Variants in ANKRD44 observed in about 807,000 individuals in gnomAD.
ANKRD44 encodes the protein serine/threonine-protein phosphatase 6 regulatory ankyrin repeat subunit B.
ANKRD44 carries 35 observed loss-of-function variants against 116.0 expected under a neutral mutation model. That is an observed-to-expected ratio of 0.30 (90% confidence interval 0.23 to 0.40). ANKRD44 has a LOEUF of 0.40. Ranked by LOEUF, ANKRD44 falls within the 10% of genes least tolerant of loss-of-function variation. ANKRD44 has a pLI of 1.00. For missense variants in ANKRD44, 1,014 were observed against 1,242.6 expected, an observed-to-expected ratio of 0.82 and a Z score of 2.77; for synonymous variants, 435 against 461.8, an observed-to-expected ratio of 0.94 and a Z score of 0.74.
chr2:197,011,251 G>A (rs1001977678), intron 18 of ANKRD44, among the ~76,000 whole-genome samples: 2 of 152,110 alleles, frequency 1.3e-5, no homozygotes, highest in African/African-American at 4.8e-5. Context: ...TATTTTGACT[G>A]GTTCCTCTTT....
chr2:197,082,213 C>T (rs2077813522), intron 14 of ANKRD44, among the ~76,000 whole-genome samples: 1 of 152,192 alleles, frequency 6.6e-6, no homozygotes, highest in Non-Finnish European at 1.5e-5. Flanking sequence ...CTTTTCACCA[C>T]CCCCAATCTA....
chr2:197,159,999 T>TTCC (rs2079918790), intron 2 of ANKRD44, among the ~76,000 whole-genome samples: 1 of 152,168 alleles, frequency 6.6e-6, no homozygotes, highest in Non-Finnish European at 1.5e-5. Context: ...TACCCAAATC[T>TTCC]TCCTTTCTTA....
chr2:197,154,266 G>A (rs2079746557), intron 2 of ANKRD44, among the ~76,000 whole-genome samples: 1 of 137,516 alleles, frequency 7.3e-6, no homozygotes, highest in South Asian at 2.4e-4. Flanking sequence ...TGCAAGCTCC[G>A]CCTCCCGGGT....
chr2:197,172,141 C>T (rs1266188159), intron 2 of ANKRD44, among the ~76,000 whole-genome samples: 1 of 151,838 alleles, frequency 6.6e-6, no homozygotes, highest in Non-Finnish European at 1.5e-5. Flanking sequence ...GCTGGGATTA[C>T]AGGTGCCCAC....
intron 21 of ANKRD44, among the ~76,000 whole-genome samples, chr2:196,968,346 A>G (rs985488882): frequency 4.6e-5 from 7 of 152,184 alleles, no homozygotes; most frequent in Admixed American, 2.6e-4. Flanking sequence ...TGTACCAAGG[A>G]GTTTATGTCT....
At chr2:196,998,240 A>G in intron 25 of ANKRD44, 97 bp downstream of exon 25, 2 of 882,778 alleles carry the variant, frequency 2.3e-6, no homozygotes, top group Non-Finnish European at 3.5e-6. Context: ...ATCTTAATTA[A>G]GAGCCATGCT....
At chr2:196,969,060 A>G (rs1235732084) in intron 21 of ANKRD44, among the ~76,000 whole-genome samples, 1 of 152,200 alleles carries the variant, frequency 6.6e-6, no homozygotes, top group Admixed American at 6.5e-5. Context: ...TCATTCAGGC[A>G]CTGTGTTAGG....
At position 197,141,135 on chromosome 2, in the gene ANKRD44, T is replaced by G. The variant is rs201760571; in HGVS notation, c.191-4473A>C. On this transcript the variant is annotated intron_variant, in intron 3 of 27. Coordinates refer to ENST00000282272, the MANE Select transcript of ANKRD44 (RefSeq NM_001195144.2). ...AAAAGGCTGAGGCAGGAGAATCGCT[T>G]GAACCTGGGAGGTGGAGGTTGCAGT... Among the ~76,000 whole-genome samples the G allele has an allele frequency of 1.5e-4, 23 of 152,280 alleles. No individual in the cohort carries two copies. The East Asian group carries it at 4.2e-3, about 28-fold the overall frequency.
Position 196,979,554 on chromosome 2 carries a change from C to CTTTTTT in ANKRD44, c.2369-12114_2369-12109dup, listed in dbSNP as rs71012942. 1.3e-3 allele frequency among the ~76,000 whole-genome samples: 78 copies of CTTTTTT among 59,642 alleles called. 5 individuals carry two copies. Among genetic ancestry groups the CTTTTTT allele is most frequent in the South Asian group, 0.011 (13 of 1,178 alleles). The allele number at this position is 59,642 out of a possible 152,430, so 39.1% of individuals were successfully genotyped here. The stretch of plus-strand genomic sequence containing the variant: ...CAGCCTGAGTAATTTAATAAGATGA[C>CTTTTTT]TTTTTTTTTTTTTTTTTTTTTTTTT... On this transcript the variant is annotated intron_variant, in intron 21 of 21. Coordinates refer to the ANKRD44 transcript ENST00000424317.
intron 1 of ANKRD44, among the ~76,000 whole-genome samples, chr2:197,269,443 A>AT (rs1243437411): frequency 6.6e-6 from 1 of 152,224 alleles, no homozygotes; most frequent in Non-Finnish European, 1.5e-5. Flanking sequence ...CAATTCTTAG[A>AT]TATCTCGAGG....
intron 1 of ANKRD44, among the ~76,000 whole-genome samples, chr2:197,197,676 G>T (rs900302989): frequency 6.6e-6 from 1 of 151,982 alleles, no homozygotes; most frequent in African/African-American, 2.4e-5. Context: ...TGGGCACGGT[G>T]GCGCACACCT....
Position 196,989,538 on chromosome 2 carries a change from ACACACG to A in ANKRD44, c.*47_*52del, listed in dbSNP as rs2075882445. 2 of 1,540,930 alleles carry A rather than the reference ACACACG, an allele frequency of 1.3e-6. No homozygotes were observed. Among genetic ancestry groups the A allele is most frequent in the African/African-American group, 2.8e-5 (2 of 72,496 alleles). On this transcript the variant is annotated 3_prime_UTR_variant, in exon 28 of 28. Transcript: ENST00000282272. ...CACACACACACATATATATATATAT[ACACACG>A]CACACATATATGTGTGCATGTGTAT...
chr2:197,295,631 C>A (rs2083697925), intron 1 of ANKRD44, among the ~76,000 whole-genome samples: 2 of 152,156 alleles, frequency 1.3e-5, no homozygotes, highest in South Asian at 2.1e-4. Flanking sequence ...AACTCTAAAA[C>A]AATGTCCTCA....
At chr2:197,181,433 AT>A (rs1447848382) in intron 2 of ANKRD44, among the ~76,000 whole-genome samples, 36 of 152,312 alleles carry the variant, frequency 2.4e-4, no homozygotes, top group African/African-American at 7.9e-4. Flanking sequence ...AACATCATGG[AT>A]TTGCTATCAT....
In ANKRD44 at chr2:197,285,663, C is replaced by T. The variant is rs140335564; in HGVS notation, c.27+24915G>A. Among the ~76,000 whole-genome samples the T allele has an allele frequency of 3.1e-4, 47 of 152,256 alleles. No individual in the cohort carries two copies. In the East Asian group the frequency reaches 8.7e-3, roughly 28 times the overall value. On this transcript the variant is annotated intron_variant, in intron 1 of 27. Transcript: ENST00000282272. Reference sequence around the variant, plus strand: ...GTGTCACAGCCTTAAAGATTTGCACCGTTTGCTCATCTCAGGCATGCCCCC... The same window carrying T: ...GTGTCACAGCCTTAAAGATTTGCACTGTTTGCTCATCTCAGGCATGCCCCC...
At chr2:197,151,938 C>T (rs2079663369) in intron 2 of ANKRD44, among the ~76,000 whole-genome samples, 1 of 152,012 alleles carries the variant, frequency 6.6e-6, no homozygotes, top group Non-Finnish European at 1.5e-5. Context: ...TAAGTCTCAA[C>T]TGCCAAGAAA....
At chr2:197,083,569 C>T (rs1683122937) in intron 13 of ANKRD44, 60 bp from the exon 14 acceptor site, 12 of 1,557,320 alleles carry the variant, frequency 7.7e-6, no homozygotes, top group Non-Finnish European at 1.0e-5. Flanking sequence ...CTGTTGTTGG[C>T]ACTAGCACTG....
Position 197,246,350 on chromosome 2 carries a change from C to CTTTTTTTTTTTTTTTTTT in ANKRD44, c.28-59262_28-59245dup, listed in dbSNP as rs67655796. 3.0e-5 allele frequency among the ~76,000 whole-genome samples: 2 copies of CTTTTTTTTTTTTTTTTTT among 65,876 alleles called. 1 individual carries two copies. The highest frequency in any genetic ancestry group is 1.3e-4 in the African/African-American group (2 of 14,844). 43.2% of individuals were successfully genotyped at this position (65,876 alleles called of 152,430 possible). On this transcript the variant is annotated intron_variant, in intron 1 of 27. Transcript: ENST00000282272. Reference sequence around the variant, plus strand: ...TACAAGTATGCACCACTACATCTGGCTTTTTTTTTTTTTTTTTTTTTTTTT... The same window carrying CTTTTTTTTTTTTTTTTTT: ...TACAAGTATGCACCACTACATCTGGCTTTTTTTTTTTTTTTTTTTTTTTTTTTTTTTTTTTTTTTTTTT...
At chr2:197,156,359 C>A (rs1285515252) in intron 2 of ANKRD44, among the ~76,000 whole-genome samples, 4 of 147,188 alleles carry the variant, frequency 2.7e-5, no homozygotes, top group Admixed American at 6.7e-5. Context: ...AAAAAAAAAA[C>A]AGTGCCCACC....
Sources: gnomAD v4.1 joint callset for allele counts (sites outside exome capture counted in the v4.1 genomes callset) on GRCh38, gnomAD v4.1.1 for gene constraint, MANE v1.5 for transcripts, NCBI Gene and HGNC (gene_info 2026-07-23, HGNC 2026-07-21) for gene names.